The following FOXK1 variants were observed in gnomAD, a reference collection of about 807,000 sequenced individuals.
FOXK1 encodes the protein forkhead box protein K1.
FOXK1 carries 19 observed loss-of-function variants against 51.9 expected under a neutral mutation model. That is an observed-to-expected ratio of 0.37 (90% CI 0.26 to 0.54). FOXK1 has a LOEUF of 0.54. FOXK1 is among the 20% of genes least tolerant of loss of function. The pLI, the probability that FOXK1 is intolerant of heterozygous loss-of-function variation, is 0.87. For missense variants in FOXK1, 870 were observed against 1,032.7 expected, an observed-to-expected ratio of 0.84 and a Z score of 2.16; for synonymous variants, 537 against 482.6, an observed-to-expected ratio of 1.11 and a Z score of -1.48.
In FOXK1 at chr7:4,756,987, C is replaced by A; in HGVS notation, c.1051-7C>A. The A allele has an allele frequency of 1.2e-6, 2 of 1,612,184 alleles. No homozygotes were observed. The highest frequency in any genetic ancestry group is 1.7e-6 in the Non-Finnish European group (2 of 1,179,226). ...GGTGATGGGTGAATATCTCTGCTTC[C>A]CTGCAGAATTCTATCCGGCACAACC... On this transcript the variant is annotated splice_polypyrimidine_tract_variant and splice_region_variant and intron_variant, in intron 4 of 8. Transcript: ENST00000328914. This position sits in a 1 kb window ranked among gnomAD's most constrained non-coding sequence, Gnocchi z 4.1.
Position 4,682,392 on chromosome 7 carries a change from A to AGCC in FOXK1, c.97_99dup (p.Ala33dup), listed in dbSNP as rs947340031. ...CCTGCAGCCCAGTGCTGTGCGCCGC[A>AGCC]GCCGCCGCCGCCGCCTTCCCCGCGG... is the stretch of plus-strand genomic sequence containing the variant. On this transcript the variant is annotated inframe_insertion, in exon 1 of 9. Coordinates refer to ENST00000328914, the MANE Select transcript of FOXK1 (RefSeq NM_001037165.2). The surrounding 1 kb of genome is among the most constrained non-coding windows in gnomAD (Gnocchi z 7.6). The AGCC allele has an allele frequency of 1.1e-5, 11 of 980,274 alleles. No homozygotes were observed. The highest frequency in any genetic ancestry group is 8.9e-5 in the African/African-American group (5 of 56,130). The allele number at this position is 980,274 out of a possible 1,614,324, so 60.7% of individuals were successfully genotyped here.
At chr7:4,685,415 C>T (rs1384271633) in intron 1 of FOXK1, among the ~76,000 whole-genome samples, 4 of 151,674 alleles carry the variant, frequency 2.6e-5, no homozygotes, top group African/African-American at 7.3e-5. Flanking sequence ...GGGGTTTCAC[C>T]GTGTTAGCCA....
In FOXK1 at chr7:4,765,536, T is replaced by C. The variant is rs1485220823; in HGVS notation, c.*3072T>C. The C allele has an allele frequency of 2.0e-5, 3 of 152,392 alleles. No homozygotes were observed. Among genetic ancestry groups the C allele is most frequent in the Non-Finnish European group, 4.4e-5 (3 of 68,198 alleles). 9.4% of individuals were successfully genotyped at this position (152,392 alleles called of 1,614,324 possible). A position where few individuals can be genotyped will look rare whatever the true frequency, so the allele number is the denominator to read the frequency against. Reference sequence around the variant, plus strand: ...TGTGCAGGAATGTGGGGAGCAAAAGTAGCTGATTCCAGCCCCGTTCTGGGG... The same window carrying C: ...TGTGCAGGAATGTGGGGAGCAAAAGCAGCTGATTCCAGCCCCGTTCTGGGG... On this transcript the variant is annotated 3_prime_UTR_variant, in exon 9 of 9. Coordinates refer to ENST00000328914, the MANE Select transcript of FOXK1 (RefSeq NM_001037165.2).
chr7:4,728,071 A>T (rs920249098), intron 1 of FOXK1, among the ~76,000 whole-genome samples: 1 of 152,034 alleles, frequency 6.6e-6, no homozygotes, highest in African/African-American at 2.4e-5. Flanking sequence ...GGCCCCCGGG[A>T]CAGCAACCAG....
At position 4,682,767 on chromosome 7, in the gene FOXK1, C is replaced by A. The variant is rs749207451; in HGVS notation, c.459C>A (p.Phe153Leu). ...CGCGGCGCCACCTGCAGCTCAGCTT[C>A]CAGGAGCCGCACTTCTACCTGCGCT... ...FISRRHLQLS[F>L]QEPHFYLRCL... The change falls in exon 1 of 9, where the codon TTC becomes TTA. Residue 153 changes from phenylalanine to leucine, a missense_variant. Phe to Leu is a conservative substitution (Grantham distance 22). This residue lies in a region of FOXK1 where 399 missense variants were observed against 475.6 expected (regional missense o/e 0.84). Transcript: ENST00000328914. This position sits in a 1 kb window ranked among gnomAD's most constrained non-coding sequence, Gnocchi z 7.6. The A allele has an allele frequency of 1.3e-6, 2 of 1,596,728 alleles. No homozygotes were observed. The highest frequency in any genetic ancestry group is 1.1e-5 in the South Asian group (1 of 89,582).
rs1018343268 is a variant in FOXK1 at position 4,730,978 on chromosome 7, G to A, written c.561-9860G>A. 6.6e-6 allele frequency among the ~76,000 whole-genome samples: 1 copy of A among 151,918 alleles called. No homozygotes were observed. Among genetic ancestry groups the A allele is most frequent in the Non-Finnish European group, 1.5e-5 (1 of 67,970 alleles). ...GGCCAGGAGTTGGAGACTAGCCTGGGCAACATAACAAGACCCTGTCTCTAC... is the reference window on the plus strand; with the variant it reads ...GGCCAGGAGTTGGAGACTAGCCTGGACAACATAACAAGACCCTGTCTCTAC... On this transcript the variant is annotated intron_variant, in intron 1 of 8. Coordinates refer to ENST00000328914, the MANE Select transcript of FOXK1 (RefSeq NM_001037165.2). This position sits in a 1 kb window ranked among gnomAD's most constrained non-coding sequence, Gnocchi z 4.7.
In FOXK1 at chr7:4,731,120, G is replaced by A. The variant is rs148732136; in HGVS notation, c.561-9718G>A. Among the ~76,000 whole-genome samples, 1,138 of 152,314 alleles carry A rather than the reference G, an allele frequency of 7.5e-3. 31 individuals carry two copies. Among genetic ancestry groups the A allele is most frequent in the Non-Finnish European group, 3.8e-3 (260 of 68,024 alleles). The stretch of plus-strand genomic sequence containing the variant: ...ATCTGATGTGGCCCACCCTGGGACC[G>A]TCACCTGACTTCCTGTCCCTGCACA... On this transcript the variant is annotated intron_variant, in intron 1 of 8. Coordinates refer to ENST00000328914, the MANE Select transcript of FOXK1 (RefSeq NM_001037165.2). The surrounding 1 kb of genome is among the most constrained non-coding windows in gnomAD (Gnocchi z 5.3).
At chr7:4,691,151 G>C (rs766740198) in intron 1 of FOXK1, among the ~76,000 whole-genome samples, 1 of 152,104 alleles carries the variant, frequency 6.6e-6, no homozygotes, top group Non-Finnish European at 1.5e-5. Context: ...GAGGAACCAG[G>C]GTTCAAGAAC....
rs999744837 is a variant in FOXK1, at chr7:4,765,043, G to C, written c.*2579G>C. 2.6e-5 allele frequency: 4 copies of C among 152,586 alleles called. No individual in the cohort carries two copies. The highest frequency in any genetic ancestry group is 9.6e-5 in the African/African-American group (4 of 41,466). 9.5% of individuals were successfully genotyped at this position (152,586 alleles called of 1,614,324 possible). A position where few individuals can be genotyped will look rare whatever the true frequency, so the allele number is the denominator to read the frequency against. On this transcript the variant is annotated 3_prime_UTR_variant, in exon 9 of 9. Transcript: ENST00000328914. ...GCTGCATTCTGCCGTGTGGGGTTCTGCACTGTCTAGCTTCTGCGGGGACTG... is the reference window on the plus strand; with the variant it reads ...GCTGCATTCTGCCGTGTGGGGTTCTCCACTGTCTAGCTTCTGCGGGGACTG...
At chr7:4,720,594 C>A (rs1780295860) in intron 1 of FOXK1, among the ~76,000 whole-genome samples, 1 of 152,174 alleles carries the variant, frequency 6.6e-6, no homozygotes, top group African/African-American at 2.4e-5. Context: ...CTGGCAGAGC[C>A]AGGCCGGGGA....
At chr7:4,701,871 C>T (rs933016750) in intron 1 of FOXK1, among the ~76,000 whole-genome samples, 2 of 151,986 alleles carry the variant, frequency 1.3e-5, no homozygotes, top group African/African-American at 2.4e-5. Flanking sequence ...CCAGCCTGGG[C>T]GATAAGCGAG....
rs1780844171 is a variant in FOXK1, at chr7:4,755,836, A to C, written c.1050+453A>C. Among the ~76,000 whole-genome samples, 3 of 152,206 alleles carry C rather than the reference A, an allele frequency of 2.0e-5. No homozygotes were observed. Among genetic ancestry groups the C allele is most frequent in the Non-Finnish European group, 4.4e-5 (3 of 68,038 alleles). On this transcript the variant is annotated intron_variant, in intron 4 of 8. Transcript: ENST00000328914. This position sits in a 1 kb window ranked among gnomAD's most constrained non-coding sequence, Gnocchi z 6.6. ...TGAAAGGCATTAGCGCTGTGATACC[A>C]TTGTGTCTAAATACTCTTTTTTATT...
At chr7:4,721,193 T>C (rs1001384454) in intron 1 of FOXK1, among the ~76,000 whole-genome samples, 1 of 152,200 alleles carries the variant, frequency 6.6e-6, no homozygotes, top group Non-Finnish European at 1.5e-5. Context: ...TCTGCACGCT[T>C]GGCTCAATGC....
intron 2 of FOXK1, among the ~76,000 whole-genome samples, chr7:4,746,792 C>T (rs531870091): frequency 2.3e-3 from 356 of 152,348 alleles, no homozygotes; most frequent in Non-Finnish European, 3.0e-3. Context: ...TCACCCCTAG[C>T]GGGAATCCTG....
intron 1 of FOXK1, among the ~76,000 whole-genome samples, chr7:4,684,828 G>A (rs995589490): frequency 1.3e-5 from 2 of 152,088 alleles, no homozygotes; most frequent in East Asian, 1.9e-4. Context: ...AGGCTTTCAC[G>A]GTATTTTTTT....
rs974096249 is a variant in FOXK1, at chr7:4,731,351, C to T, written c.561-9487C>T. Reference sequence around the variant, plus strand: ...TACTTTATCGGGTATCCTAAAGACACGTTGCAGCCTGCAAAATTCGAAAAG... The same window carrying T: ...TACTTTATCGGGTATCCTAAAGACATGTTGCAGCCTGCAAAATTCGAAAAG... On this transcript the variant is annotated intron_variant, in intron 1 of 8. Transcript: ENST00000328914. The surrounding 1 kb of genome is among the most constrained non-coding windows in gnomAD (Gnocchi z 5.3). Among the ~76,000 whole-genome samples, 4 of 152,370 alleles carry T rather than the reference C, an allele frequency of 2.6e-5. No homozygotes were observed. Among genetic ancestry groups the T allele is most frequent in the African/African-American group, 7.2e-5 (3 of 41,598 alleles).
intron 1 of FOXK1, among the ~76,000 whole-genome samples, chr7:4,684,373 T>C (rs146531571): frequency 6.6e-6 from 1 of 152,330 alleles, no homozygotes; most frequent in Non-Finnish European, 1.5e-5. Context: ...TCCCCTTTTT[T>C]AGTCTTGGCA....
chr7:4,704,697 C>T (rs1181819800), intron 1 of FOXK1, among the ~76,000 whole-genome samples: 2 of 151,980 alleles, frequency 1.3e-5, no homozygotes, highest in Non-Finnish European at 2.9e-5. Context: ...GCTCGGATCA[C>T]GGGCCCATCT....
chr7:4,754,271 C>T (rs1426314871), intron 2 of FOXK1, among the ~76,000 whole-genome samples, 188 bp from the exon 3 acceptor site: 1 of 152,220 alleles, frequency 6.6e-6, no homozygotes, highest in African/African-American at 2.4e-5. Context: ...AGGAAACTTG[C>T]CTGCCGTTTC....
Sources: gnomAD v4.1 joint callset for allele counts (sites outside exome capture counted in the v4.1 genomes callset) on GRCh38, gnomAD v4.1.1 for gene constraint, gnomAD v4.1.1 regional missense constraint, Gnocchi (gnomAD v3.1) non-coding constraint, MANE v1.5 for transcripts, NCBI Gene and HGNC (gene_info 2026-07-23, HGNC 2026-07-21) for gene names.